Variants in ASIC2 observed in about 807,000 individuals in gnomAD.
ASIC2 encodes acid sensing ion channel subunit 2, also known as acid-sensing ion channel 2.
Under a neutral mutation model 57.3 loss-of-function variants are expected in ASIC2, and 25 were observed. The ratio of observed to expected loss-of-function variants is 0.44; its 90% CI spans 0.32 to 0.61. The LOEUF (loss-of-function observed/expected upper bound fraction) is 0.61. Among genes scored for constraint, ASIC2 ranks in the 20% least tolerant of loss-of-function variants. The pLI, the probability that ASIC2 is intolerant of heterozygous loss-of-function variation, is 0.06. For missense variants in ASIC2, 641 were observed against 738.1 expected (o/e 0.87, Z 1.52); for synonymous variants, 319 against 307.5 (o/e 1.04, Z -0.39).
At chr17:33,252,489 G>A (rs916570508) in intron 1 of ASIC2, among the ~76,000 whole-genome samples, 1 of 152,134 alleles carries the variant, frequency 6.6e-6, no homozygotes, top group African/African-American at 2.4e-5. Context: ...GCAAAAGCGT[G>A]CTTTTGTTTG....
At chr17:33,975,150 C>T (rs936728444) in intron 1 of ASIC2, among the ~76,000 whole-genome samples, 1 of 152,138 alleles carries the variant, frequency 6.6e-6, no homozygotes, top group African/African-American at 2.4e-5. Context: ...TGAAAGTTGA[C>T]CTCAGTTGGT....
intron 1 of ASIC2, among the ~76,000 whole-genome samples, chr17:33,492,079 G>T (rs1913778172): frequency 6.6e-6 from 1 of 152,144 alleles, no homozygotes; most frequent in Admixed American, 6.5e-5. Context: ...TTTGCCATTA[G>T]TCCTAGATCT....
intron 1 of ASIC2, among the ~76,000 whole-genome samples, chr17:34,132,381 T>C (rs1422429207): frequency 1.3e-5 from 2 of 152,094 alleles, no homozygotes; most frequent in African/African-American, 4.8e-5. Context: ...GGTAGACGGG[T>C]TGCGGCTGCT....
chr17:33,431,030 G>A (rs1273224185), intron 1 of ASIC2, among the ~76,000 whole-genome samples: 1 of 152,122 alleles, frequency 6.6e-6, no homozygotes, highest in South Asian at 2.1e-4. Flanking sequence ...GATGCAGAGG[G>A]GGGCAGCAAG....
At chr17:33,194,509 A>G (rs1342183087) in intron 1 of ASIC2, among the ~76,000 whole-genome samples, 1 of 152,222 alleles carries the variant, frequency 6.6e-6, no homozygotes, top group Non-Finnish European at 1.5e-5. Context: ...GTGAACTTCC[A>G]TATGTAGAGT....
intron 1 of ASIC2, among the ~76,000 whole-genome samples, chr17:33,136,075 G>A: frequency 6.6e-6 from 1 of 152,234 alleles, no homozygotes; most frequent in East Asian, 1.9e-4. Context: ...CTGACCTTGG[G>A]CTCTGATAGA....
chr17:33,029,829 G>T (rs994206032), intron 3 of ASIC2, among the ~76,000 whole-genome samples: 5 of 152,344 alleles, frequency 3.3e-5, no homozygotes, highest in African/African-American at 1.2e-4. Context: ...AGCCATTTTT[G>T]TAGGTGTATG....
chr17:34,080,290 G>A (rs576376299), intron 1 of ASIC2, among the ~76,000 whole-genome samples: 2 of 152,294 alleles, frequency 1.3e-5, no homozygotes, highest in African/African-American at 4.8e-5. Context: ...AATGTCAATT[G>A]TGCCCCTGGA....
chr17:33,990,680 CAGTTTCTTGG>C (rs1905974499), intron 1 of ASIC2, among the ~76,000 whole-genome samples: 2 of 152,086 alleles, frequency 1.3e-5, no homozygotes, highest in Admixed American at 6.6e-5. Flanking sequence ...GAAAGGCTCA[CAGTTTCTTGG>C]AGGGATGGAC....
intron 1 of ASIC2, among the ~76,000 whole-genome samples, chr17:33,864,989 G>T (rs917062386): frequency 1.3e-5 from 2 of 152,178 alleles, no homozygotes; most frequent in Non-Finnish European, 2.9e-5. Context: ...ACCAGAGGGT[G>T]GGGGGTTGAG....
At chr17:33,576,437 C>T (rs1300103286) in intron 1 of ASIC2, among the ~76,000 whole-genome samples, 2 of 152,186 alleles carry the variant, frequency 1.3e-5, no homozygotes, top group African/African-American at 4.8e-5. Context: ...ACCCTCATTC[C>T]CTCCTGGCCA....
chr17:33,353,363 G>T (rs904668277), intron 1 of ASIC2, among the ~76,000 whole-genome samples: 2 of 152,068 alleles, frequency 1.3e-5, no homozygotes, highest in Admixed American at 6.6e-5. Flanking sequence ...TTGAGACAGG[G>T]TCTTGCTCTG....
intron 3 of ASIC2, among the ~76,000 whole-genome samples, chr17:33,033,651 GC>G (rs1221437090): frequency 2.6e-4 from 39 of 152,330 alleles, no homozygotes; most frequent in African/African-American, 9.4e-4. Context: ...CAGGGTTGGG[GC>G]CATGAATGAC....
chr17:33,881,636 T>C (rs1253563906), intron 1 of ASIC2, among the ~76,000 whole-genome samples: 1 of 152,080 alleles, frequency 6.6e-6, no homozygotes, highest in Admixed American at 6.6e-5. Context: ...GGAAGAACAT[T>C]CCATGCTCAT....
chr17:33,371,335 C>T (rs1410061898), intron 1 of ASIC2, among the ~76,000 whole-genome samples: 2 of 152,116 alleles, frequency 1.3e-5, no homozygotes, highest in Non-Finnish European at 2.9e-5. Flanking sequence ...TGGAGTCGCT[C>T]TGGTTCAAAT....
intron 1 of ASIC2, among the ~76,000 whole-genome samples, chr17:33,925,087 G>A (rs1915796727): frequency 6.6e-6 from 1 of 152,230 alleles, no homozygotes; most frequent in Non-Finnish European, 1.5e-5. Flanking sequence ...TGGCCACCAT[G>A]CTGCAGGGTT....
At chr17:33,564,833 G>A (rs1916183497) in intron 1 of ASIC2, among the ~76,000 whole-genome samples, 1 of 102,618 alleles carries the variant, frequency 9.7e-6, no homozygotes, top group Admixed American at 8.5e-5. Context: ...CTGCTTAAAT[G>A]CATCTTAAGC....
chr17:33,575,839 G>C (rs1916602468), intron 1 of ASIC2, among the ~76,000 whole-genome samples: 1 of 152,138 alleles, frequency 6.6e-6, no homozygotes, highest in East Asian at 1.9e-4. Flanking sequence ...AGAGAGGCAA[G>C]GGGCTCTTTA....
chr17:33,884,759 T>G (rs1386265149), intron 1 of ASIC2, among the ~76,000 whole-genome samples: 2 of 147,302 alleles, frequency 1.4e-5, no homozygotes, highest in Non-Finnish European at 3.0e-5. Flanking sequence ...TTGACTTGCC[T>G]CTTCAAAACC....
Sources: gnomAD v4.1 joint callset for allele counts (sites outside exome capture counted in the v4.1 genomes callset) on GRCh38, gnomAD v4.1.1 for gene constraint, MANE v1.5 for transcripts, NCBI Gene and HGNC (gene_info 2026-07-23, HGNC 2026-07-21) for gene names.